ASPSCR1: variants seen among roughly 807,000 people sequenced by gnomAD.
ASPSCR1 encodes tether containing UBX domain for GLUT4.
ASPSCR1 carries 55 observed loss-of-function variants against 68.9 expected under a neutral mutation model. The ratio of observed to expected loss-of-function variants is 0.80; its 90% confidence interval spans 0.64 to 1.00. The LOEUF is 1.00. Ranked by LOEUF, ASPSCR1 falls within the 50% of genes least tolerant of loss-of-function variation. The pLI is 0.00. For missense variants in ASPSCR1, 765 were observed against 762.2 expected (o/e 1.00, Z -0.04); for synonymous variants, 352 against 332.6 (o/e 1.06, Z -0.63).
intron 9 of ASPSCR1, among the ~76,000 whole-genome samples, chr17:82,010,527 T>C (rs1359539215): frequency 1.1e-5 from 1 of 90,382 alleles, no homozygotes; most frequent in African/African-American, 5.1e-5. Context: ...AGACTCCATC[T>C]CAAAAAAAAA....
chr17:82,014,906 C>T (rs569159573), intron 12 of ASPSCR1: 8 of 811,958 alleles, frequency 9.9e-6, no homozygotes, highest in East Asian at 5.4e-5. Context: ...CAGGGCAGGG[C>T]GGGCACCCCC....
intron 7 of ASPSCR1, among the ~76,000 whole-genome samples, chr17:82,001,059 C>A (rs1294183960): frequency 6.6e-6 from 1 of 152,238 alleles, no homozygotes; most frequent in Admixed American, 6.5e-5. Context: ...TTCCTCAGCA[C>A]CCCTGCTCAC....
chr17:82,013,066 A>G (rs1320929698), intron 12 of ASPSCR1: 3 of 152,068 alleles, frequency 2.0e-5, no homozygotes. Flanking sequence ...AAGCTTGCTC[A>G]CTGCCTGGGG....
At position 81,986,199 on chromosome 17, in the gene ASPSCR1, G is replaced by A. The variant is rs991463290; in HGVS notation, c.374+592G>A. Among the ~76,000 whole-genome samples, 1 of 152,134 alleles carries A rather than the reference G, an allele frequency of 6.6e-6. No homozygotes were observed. Among genetic ancestry groups the A allele is most frequent in the East Asian group, 1.9e-4 (1 of 5,178 alleles). ...TGCACTTTGGAAGGCCGAGGCTGGCGAATCGCTTGAGCTCATGAGTTCAAG... is the reference window on the plus strand; with the variant it reads ...TGCACTTTGGAAGGCCGAGGCTGGCAAATCGCTTGAGCTCATGAGTTCAAG... On this transcript the variant is annotated intron_variant, in intron 4 of 15. Coordinates refer to ENST00000306739, the MANE Select transcript of ASPSCR1 (RefSeq NM_024083.4). This position sits in a 1 kb window ranked among gnomAD's most constrained non-coding sequence, Gnocchi z 5.2.
At chr17:81,995,601 C>G (rs889852402) in intron 5 of ASPSCR1, 1 of 403,446 alleles carries the variant, frequency 2.5e-6, no homozygotes, top group Non-Finnish European at 4.6e-6. Context: ...CTGCCCACCC[C>G]GAGCTGAGCA....
chr17:82,012,072 G>A, intron 11 of ASPSCR1, 159 bp from the exon 12 acceptor site: 4 of 904,292 alleles, frequency 4.4e-6, no homozygotes, highest in Non-Finnish European at 5.3e-6. Context: ...CCCTCAGCTG[G>A]AGTTTCTGCA....
Position 81,996,463 on chromosome 17 carries a change from A to C in ASPSCR1, c.550A>C (p.Ser184Arg). 5 of 1,608,526 alleles carry C rather than the reference A, an allele frequency of 3.1e-6. No homozygotes were observed. The highest frequency in any genetic ancestry group is 4.2e-6 in the Non-Finnish European group (5 of 1,176,986). Residue 184 changes from serine to arginine, a missense_variant, in exon 7 of 16, where the codon AGC becomes CGC. Transcript: ENST00000306739. Reference sequence around the variant, plus strand: ...CGACCCCGTGGGCAAGACCCCAGGAAGCCTGGGCTCGTCAGCGTCGGCTGG... The same window carrying C: ...CGACCCCGTGGGCAAGACCCCAGGACGCCTGGGCTCGTCAGCGTCGGCTGG... ...CYDPVGKTPG[S>R]LGSSASAGQA...
chr17:81,997,750 A>G (rs2042400947), intron 7 of ASPSCR1, among the ~76,000 whole-genome samples: 1 of 150,870 alleles, frequency 6.6e-6, no homozygotes, highest in African/African-American at 2.4e-5. Context: ...CGGCCTCCCA[A>G]AGTGCTGGGA....
chr17:81,996,843 G>A lies in ASPSCR1; in HGVS notation c.930G>A (p.Glu310=). 6.3e-7 allele frequency: 1 copy of A among 1,594,922 alleles called. No individual in the cohort carries two copies. Among genetic ancestry groups the A allele is most frequent in the Non-Finnish European group, 8.5e-7 (1 of 1,172,396 alleles). The change falls in exon 7 of 16, where the codon GAG becomes GAA. Residue 310 remains glutamate (E), a synonymous_variant. Transcript: ENST00000306739. ...ERDPQQEQER[E]RPVDREPVDR... is the part of the protein sequence containing the mutation. The stretch of plus-strand genomic sequence containing the variant: ...ATCCCCAGCAGGAGCAGGAGCGGGA[G>A]CGGGTAAAAGGGGCTCTAGGCCTTG...
chr17:82,015,076 C>T lies in ASPSCR1; in HGVS notation c.1354-1400C>T, dbSNP rs759176148. 5.0e-6 allele frequency: 8 copies of T among 1,596,756 alleles called. No individual in the cohort carries two copies. The African/African-American group carries it at 9.4e-5, about 19-fold the overall frequency. On this transcript the variant is annotated intron_variant, in intron 12 of 15. Coordinates refer to ENST00000306739, the MANE Select transcript of ASPSCR1 (RefSeq NM_024083.4). ...GTGTGACCCACTTTCCCTTTCCAGCCCCAGCTTGGTGACCGGGTGGCTCCA... is the reference window on the plus strand; with the variant it reads ...GTGTGACCCACTTTCCCTTTCCAGCTCCAGCTTGGTGACCGGGTGGCTCCA...
chr17:81,993,934 G>A (rs1000475534), intron 4 of ASPSCR1, among the ~76,000 whole-genome samples: 12 of 152,120 alleles, frequency 7.9e-5, no homozygotes, highest in Admixed American at 7.2e-4. Context: ...CCCTCCTCTC[G>A]GATTCCCCTC....
chr17:81,988,448 C>T (rs143827048), intron 4 of ASPSCR1, among the ~76,000 whole-genome samples: 3,409 of 149,792 alleles, frequency 0.023, 39 homozygotes, highest in East Asian at 0.036. Context: ...AAGCAGGACT[C>T]CGTCTCAAAA....
chr17:82,012,410 G>T, intron 12 of ASPSCR1, 127 bp downstream of exon 12: 1 of 1,156,840 alleles, frequency 8.6e-7, no homozygotes, highest in Non-Finnish European at 1.2e-6. Context: ...AAGCCTTTGA[G>T]AGCCGGTGGG....
intron 5 of ASPSCR1, chr17:81,995,535 C>T: frequency 3.5e-6 from 1 of 286,114 alleles, no homozygotes; most frequent in Non-Finnish European, 6.7e-6. Flanking sequence ...AGCTTCTCCA[C>T]CCCTTCCTCA....
rs371915284 is a variant in ASPSCR1, at chr17:82,017,161, G to A, written c.1648+48G>A. 1.0e-4 allele frequency: 162 copies of A among 1,564,064 alleles called. 1 individual carries two copies. Among genetic ancestry groups the A allele is most frequent in the Middle Eastern group, 4.5e-4 (2 of 4,488 alleles). ...GGGGTGCTGTGGCCGGGTGGAGGGC[G>A]GGGGTCCGGGTGCTGTGGCAGGGTC... is the stretch of plus-strand genomic sequence containing the variant. On this transcript the variant is annotated intron_variant, in intron 15 of 15. Transcript: ENST00000306739.
chr17:81,996,080 G>A lies in ASPSCR1; in HGVS notation c.506+15G>A, dbSNP rs768096684. On this transcript the variant is annotated intron_variant, in intron 6 of 15. Coordinates refer to ENST00000306739, the MANE Select transcript of ASPSCR1 (RefSeq NM_024083.4). ...GCCACCATCAGGTAAGGGCAGTGCT[G>A]CTGGGGCCGAGGAGTCTATTTAGCT... 1.1e-5 allele frequency: 18 copies of A among 1,594,080 alleles called. No homozygotes were observed. The highest frequency in any genetic ancestry group is 1.2e-5 in the Non-Finnish European group (14 of 1,172,384).
intron 7 of ASPSCR1, among the ~76,000 whole-genome samples, chr17:82,002,103 C>T (rs1351584476): frequency 2.1e-5 from 3 of 140,232 alleles, no homozygotes; most frequent in African/African-American, 5.2e-5. Flanking sequence ...GACCTTCCAT[C>T]TCAGCCTCCC....
At position 82,002,880 on chromosome 17, in the gene ASPSCR1, C is replaced by CT. The variant is rs367845443; in HGVS notation, c.933+6045dup. 1.6e-3 allele frequency among the ~76,000 whole-genome samples: 232 copies of CT among 143,232 alleles called. 4 individuals are homozygous for CT. Among genetic ancestry groups the CT allele is most frequent in the South Asian group, 2.9e-3 (13 of 4,484 alleles). The allele number at this position is 143,232 out of a possible 152,430, so 94.0% of individuals were successfully genotyped here. ...GCCTGTTTTCATCTTTTTAAAATAA[C>CT]TTTTTTTTTTTCGAGACAGGGTCTG... On this transcript the variant is annotated intron_variant, in intron 7 of 15. Coordinates refer to ENST00000306739, the MANE Select transcript of ASPSCR1 (RefSeq NM_024083.4).
Position 81,996,752 on chromosome 17 carries a change from C to T in ASPSCR1, c.839C>T (p.Ser280Phe), listed in dbSNP as rs1260087752. The T allele has an allele frequency of 6.2e-7, 1 of 1,613,240 alleles. No homozygotes were observed. The highest frequency in any genetic ancestry group is 1.3e-5 in the African/African-American group (1 of 74,910). Reference protein sequence around the residue: ...PKSLSSPGGPSKPKKSKSGQD... With the variant: ...PKSLSSPGGPFKPKKSKSGQD... ...TCCCTCTCCAGCCCTGGAGGCCCCT[C>T]CAAGCCAAAGAAGTCCAAGTCGGGC... The change falls in exon 7 of 16, where the codon TCC becomes TTC. Residue 280 changes from serine (S) to phenylalanine (F), a missense_variant. Coordinates refer to ENST00000306739, the MANE Select transcript of ASPSCR1 (RefSeq NM_024083.4).
Sources: allele counts gnomAD v4.1 joint callset (sites outside exome capture counted in the v4.1 genomes callset), GRCh38; gene constraint gnomAD v4.1.1; non-coding constraint Gnocchi (gnomAD v3.1); transcripts MANE v1.5; gene names NCBI Gene and HGNC (gene_info 2026-07-23, HGNC 2026-07-21).